The following USP2 variants were observed in gnomAD, a reference collection of about 807,000 sequenced individuals.
USP2 encodes ubiquitin specific peptidase 2, also known as ubiquitin carboxyl-terminal hydrolase 2.
In USP2, 33 loss-of-function variants were observed where a neutral mutation model predicts 72.0. That is an observed-to-expected ratio of 0.46 (90% CI 0.35 to 0.61). The LOEUF is 0.61. Ranked by LOEUF, USP2 falls within the 20% of genes least tolerant of loss-of-function variation. USP2 has a pLI of 0.01. For missense variants in USP2, 691 were observed against 797.8 expected (o/e 0.87, Z 1.61); for synonymous variants, 296 against 312.5 (o/e 0.95, Z 0.56).
At chr11:119,379,599 C>T (rs1951037282) in intron 1 of USP2, among the ~76,000 whole-genome samples, 1 of 152,160 alleles carries the variant, frequency 6.6e-6, no homozygotes, top group African/African-American at 2.4e-5. Context: ...TAATGGACTT[C>T]TAGGCCTGGG....
rs536317995 is a variant in USP2, at chr11:119,356,634, C to G, written c.*201G>C. ...CTGGCTCCACGTCCAGGCGATCTTC[C>G]CTGCCGGGCCACAGCTCAGGAAAGC... On this transcript the variant is annotated 3_prime_UTR_variant, in exon 13 of 13. Transcript: ENST00000260187. 1.7e-6 allele frequency: 1 copy of G among 574,644 alleles called. No homozygotes were observed. The highest frequency in any genetic ancestry group is 1.9e-5 in the African/African-American group (1 of 51,574). The allele number at this position is 574,644 out of a possible 1,614,324, so 35.6% of individuals were successfully genotyped here. A position where few individuals can be genotyped will look rare whatever the true frequency, so the allele number is the denominator to read the frequency against.
In USP2 at chr11:119,359,288, C is replaced by T; in HGVS notation, c.1004G>A (p.Ser335Asn). 4 of 1,613,984 alleles carry T rather than the reference C, an allele frequency of 2.5e-6. No homozygotes were observed. In the South Asian group the frequency reaches 4.4e-5, roughly 18 times the overall value. Residue 335 changes from serine (S) to asparagine (N), a missense_variant, in exon 5 of 13, where the codon AGC becomes AAC. Ser to Asn is a conservative substitution (Grantham distance 46). Coordinates refer to ENST00000260187, the MANE Select transcript of USP2 (RefSeq NM_004205.5). ...GATCTGGGTCTTGAACTCAGATGGGCTCACCACATCATTGGGGGATGAAGT... is the reference window on the plus strand; with the variant it reads ...GATCTGGGTCTTGAACTCAGATGGGTTCACCACATCATTGGGGGATGAAGT... Reference protein sequence around the residue: ...IWTSSPNDVVSPSEFKTQIQR... With the variant: ...IWTSSPNDVVNPSEFKTQIQR...
intron 1 of USP2, among the ~76,000 whole-genome samples, chr11:119,376,069 T>A: frequency 6.6e-6 from 1 of 152,216 alleles, no homozygotes; most frequent in Non-Finnish European, 1.5e-5. Context: ...CGGCTCTGAC[T>A]TCTAGCTACA....
intron 1 of USP2, chr11:119,379,367 AGGGGTG>A: frequency 2.2e-5 from 6 of 276,598 alleles, no homozygotes; most frequent in Non-Finnish European, 3.0e-5. Flanking sequence ...AAGAGCACAG[AGGGGTG>A]GGGGTGGAAC....
intron 2 of USP2, among the ~76,000 whole-genome samples, chr11:119,365,411 A>G (rs568629932): frequency 1.3e-5 from 2 of 152,128 alleles, no homozygotes; most frequent in Admixed American, 6.5e-5. Flanking sequence ...GGGGCAGGGG[A>G]CAGGAACCAC....
At chr11:119,379,182 C>G in intron 1 of USP2, 1 of 985,410 alleles carries the variant, frequency 1.0e-6, no homozygotes, top group Non-Finnish European at 1.2e-6. Context: ...GCAGAGATGG[C>G]GAGTGCAACT....
At chr11:119,375,025 G>A (rs1420303429) in intron 1 of USP2, among the ~76,000 whole-genome samples, 7 of 152,196 alleles carry the variant, frequency 4.6e-5, no homozygotes, top group South Asian at 4.1e-4. Context: ...GCATGGCTCC[G>A]CCCTCTGAAG....
intron 1 of USP2, among the ~76,000 whole-genome samples, chr11:119,378,601 G>A (rs1358972519): frequency 6.6e-6 from 1 of 152,170 alleles, no homozygotes; most frequent in Non-Finnish European, 1.5e-5. Context: ...GGAGATTAAG[G>A]CAAGAATCCT....
intron 2 of USP2, chr11:119,364,275 G>A: frequency 1.3e-6 from 1 of 766,310 alleles, no homozygotes; most frequent in Non-Finnish European, 1.6e-6. Context: ...CCTAAGCCCC[G>A]CCCCACCTCG....
rs778120912 is a variant in USP2 at position 119,372,789 on chromosome 11, A to G, written c.692T>C (p.Ile231Thr). The G allele has an allele frequency of 3.8e-6, 6 of 1,596,886 alleles. No individual in the cohort carries two copies. Among genetic ancestry groups the G allele is most frequent in the East Asian group, 2.2e-5 (1 of 44,848 alleles). ...PEIISPTYRP[I>T]GRYTLWETGK... Reference sequence around the variant, plus strand: ...CGTCTCCCACAGCGTGTAGCGGCCAATGGGTCGGTAGGTTGGGCTGATGAT... The same window carrying G: ...CGTCTCCCACAGCGTGTAGCGGCCAGTGGGTCGGTAGGTTGGGCTGATGAT... The change falls in exon 2 of 13, where the codon ATT becomes ACT. Residue 231 changes from isoleucine (I) to threonine (T), a missense_variant. Transcript: ENST00000260187.
chr11:119,371,825 C>T (rs1263547449), intron 2 of USP2, among the ~76,000 whole-genome samples: 1 of 152,226 alleles, frequency 6.6e-6, no homozygotes, highest in Non-Finnish European at 1.5e-5. Context: ...ACCACCCACA[C>T]ATCCATCCAT....
chr11:119,360,055 G>T, intron 3 of USP2, 129 bp downstream of exon 3: 1 of 1,158,944 alleles, frequency 8.6e-7, no homozygotes, highest in Non-Finnish European at 1.2e-6. Flanking sequence ...CACCAGCCAG[G>T]AAGGGCAAGT....
chr11:119,357,638 G>T lies in USP2; in HGVS notation c.1502-48C>A. On this transcript the variant is annotated intron_variant, in intron 10 of 12. Transcript: ENST00000260187. Reference sequence around the variant, plus strand: ...ATAGTCAAACCAATGCAGAAGGGCAGACAACAAAAGGAAAGCCTACAAGGT... The same window carrying T: ...ATAGTCAAACCAATGCAGAAGGGCATACAACAAAAGGAAAGCCTACAAGGT... 5 of 1,613,908 alleles carry T rather than the reference G, an allele frequency of 3.1e-6. No homozygotes were observed. In the South Asian group the frequency reaches 5.5e-5, roughly 18 times the overall value.
intron 2 of USP2, among the ~76,000 whole-genome samples, chr11:119,362,709 GA>G (rs1214461636): frequency 6.6e-6 from 1 of 152,204 alleles, no homozygotes; most frequent in African/African-American, 2.4e-5. Flanking sequence ...AAAGGGGCCA[GA>G]ACTGCAGAAG....
chr11:119,374,780 G>A (rs1394798286), intron 1 of USP2, among the ~76,000 whole-genome samples: 2 of 152,144 alleles, frequency 1.3e-5, no homozygotes, highest in East Asian at 3.8e-4. Context: ...ATGGAGCAGA[G>A]CCATCCAGGA....
intron 2 of USP2, 193 bp from the exon 3 acceptor site, chr11:119,360,427 C>CTT (rs1275012607): frequency 1.8e-3 from 1,013 of 567,914 alleles, no homozygotes; most frequent in East Asian, 2.4e-3. Flanking sequence ...CTTTTCTTTT[C>CTT]TTTTTTTTTT....
intron 2 of USP2, among the ~76,000 whole-genome samples, chr11:119,369,588 T>C (rs1171745923): frequency 3.3e-5 from 5 of 152,084 alleles, no homozygotes; most frequent in Admixed American, 2.6e-4. Flanking sequence ...TGATCTCTTT[T>C]CCCCCCTTAA....
intron 2 of USP2, among the ~76,000 whole-genome samples, chr11:119,370,697 G>A (rs897223077): frequency 1.3e-5 from 2 of 152,210 alleles, no homozygotes; most frequent in African/African-American, 2.4e-5. Context: ...ATCTTCTGGG[G>A]CATGAGCTCA....
Position 119,357,476 on chromosome 11 carries a change from T to A in USP2, c.1609+7A>T, listed in dbSNP as rs376412644. 5.0e-5 allele frequency: 80 copies of A among 1,614,008 alleles called. No homozygotes were observed. Among genetic ancestry groups the A allele is most frequent in the Admixed American group, 2.7e-4 (16 of 59,996 alleles). ...TCATTCTGCCCTGCCTACTCAAAGA[T>A]ACTCACTGGTGTTTTCTGAGGCAAA... On this transcript the variant is annotated splice_region_variant and intron_variant, in intron 11 of 12. Coordinates refer to ENST00000260187, the MANE Select transcript of USP2 (RefSeq NM_004205.5).
Sources: gnomAD v4.1 joint callset for allele counts (sites outside exome capture counted in the v4.1 genomes callset) on GRCh38, gnomAD v4.1.1 for gene constraint, MANE v1.5 for transcripts, NCBI Gene and HGNC (gene_info 2026-07-23, HGNC 2026-07-21) for gene names.